CHD7: variants seen among roughly 807,000 people sequenced by gnomAD.
The protein encoded by CHD7 is ATP-dependent chromatin remodeler CHD7.
A neutral mutation model predicts 307.3 loss-of-function variants in CHD7; 24 were observed. That is an observed-to-expected ratio of 0.08 (90% CI 0.06 to 0.11). The LOEUF (loss-of-function observed/expected upper bound fraction) is 0.11. CHD7 is among the 10% of genes least tolerant of loss of function. The pLI, the probability that CHD7 is intolerant of heterozygous loss-of-function variation, is 1.00. For synonymous variants in CHD7, 1,363 were observed against 1,349.9 expected, an observed-to-expected ratio of 1.01 and a Z score of -0.21; for missense variants, 3,106 against 3,727.1, an observed-to-expected ratio of 0.83 and a Z score of 4.34.
At chr8:60,769,833 G>A (rs537855383) in intron 2 of CHD7, among the ~76,000 whole-genome samples, 19 of 152,272 alleles carry the variant, frequency 1.2e-4, no homozygotes, top group Non-Finnish European at 2.2e-4. Context: ...TTTAAGTGTG[G>A]TAATTGGAGA....
chr8:60,836,353 AC>A (rs1273656227), intron 16 of CHD7, 70 bp downstream of exon 16: 10 of 1,309,496 alleles, frequency 7.6e-6, no homozygotes, highest in Admixed American at 2.5e-5. Context: ...CAAGCAGTCC[AC>A]CTAAAAGTGG....
intron 2 of CHD7, among the ~76,000 whole-genome samples, chr8:60,761,170 T>G (rs1459687155): frequency 6.6e-6 from 1 of 151,654 alleles, no homozygotes; most frequent in Non-Finnish European, 1.5e-5. Flanking sequence ...CCATAAAAAA[T>G]GATGAGTTCA....
chr8:60,720,576 G>A (rs1807848820), intron 1 of CHD7, among the ~76,000 whole-genome samples: 1 of 152,134 alleles, frequency 6.6e-6, no homozygotes, highest in African/African-American at 2.4e-5. Flanking sequence ...GTGCTGTTGA[G>A]CCTCCAGCTT....
At position 60,724,574 on chromosome 8, in the gene CHD7, T is replaced by C. The variant is rs931935753; in HGVS notation, c.-174-16685T>C. 3.9e-5 allele frequency among the ~76,000 whole-genome samples: 6 copies of C among 152,234 alleles called. No homozygotes were observed. In the East Asian group the frequency reaches 9.6e-4, roughly 24 times the overall value. On this transcript the variant is annotated intron_variant, in intron 1 of 37. Coordinates refer to ENST00000423902, the MANE Select transcript of CHD7 (RefSeq NM_017780.4). Reference sequence around the variant, plus strand: ...GAAGCTGAAGTTTAGAGAACTGCTTTAATTTGCCTGATGTAAAGAGAGTGT... The same window carrying C: ...GAAGCTGAAGTTTAGAGAACTGCTTCAATTTGCCTGATGTAAAGAGAGTGT...
At chr8:60,854,336 A>C (rs755288008) in intron 31 of CHD7, 27 bp from the exon 32 acceptor site, 3 of 1,606,746 alleles carry the variant, frequency 1.9e-6, no homozygotes, top group Non-Finnish European at 1.7e-6. Flanking sequence ...TGTGGTTGTG[A>C]GTAATGCACA....
chr8:60,779,780 G>A (rs1335601152), intron 2 of CHD7, among the ~76,000 whole-genome samples: 2 of 152,162 alleles, frequency 1.3e-5, no homozygotes, highest in Non-Finnish European at 2.9e-5. Context: ...TGAGGACTCT[G>A]GAGCTATTGG....
intron 32 of CHD7, chr8:60,855,015 G>T (rs1459048327): frequency 6.6e-6 from 1 of 152,144 alleles, no homozygotes; most frequent in Non-Finnish European, 1.5e-5. Context: ...AAGCAAAATG[G>T]AAATTACTTT....
intron 25 of CHD7, 63 bp from the exon 26 acceptor site, chr8:60,850,430 T>G: frequency 6.4e-7 from 1 of 1,553,818 alleles, no homozygotes; most frequent in South Asian, 1.2e-5. Context: ...GCTGTGATTT[T>G]GCCAGTGATG....
chr8:60,837,558 C>T, intron 17 of CHD7, 110 bp from the exon 18 acceptor site: 1 of 957,304 alleles, frequency 1.0e-6, no homozygotes, highest in Non-Finnish European at 1.5e-6. Flanking sequence ...CCCTAAGGCG[C>T]CACCTCCAAA....
chr8:60,810,378 AGAGTGT>A (rs1344048142), intron 7 of CHD7, among the ~76,000 whole-genome samples: 8 of 133,488 alleles, frequency 6.0e-5, no homozygotes, highest in African/African-American at 2.3e-4. Flanking sequence ...GGAGAGAGAG[AGAGTGT>A]GTGTGTGTGT....
chr8:60,705,209 G>A (rs747606700), intron 1 of CHD7, among the ~76,000 whole-genome samples: 1 of 150,650 alleles, frequency 6.6e-6, no homozygotes, highest in Non-Finnish European at 1.5e-5. Context: ...TAGTTGTCCT[G>A]GAAACAAGGA....
chr8:60,783,412 T>C (rs80196701), intron 3 of CHD7, among the ~76,000 whole-genome samples: 33 of 152,298 alleles, frequency 2.2e-4, no homozygotes, highest in African/African-American at 7.5e-4. Context: ...GACCCTGTGT[T>C]TATCCACTAG....
chr8:60,708,830 C>T (rs780343111), intron 1 of CHD7, among the ~76,000 whole-genome samples: 7 of 152,196 alleles, frequency 4.6e-5, no homozygotes, highest in Non-Finnish European at 8.8e-5. Context: ...ACTTCCTTAC[C>T]TTATATTGTC....
At chr8:60,820,529 A>G (rs750396579) in intron 9 of CHD7, among the ~76,000 whole-genome samples, 30 of 152,344 alleles carry the variant, frequency 2.0e-4, no homozygotes, top group Non-Finnish European at 2.9e-4. Flanking sequence ...GCTAATAGAC[A>G]TTATTTCTCT....
intron 13 of CHD7, among the ~76,000 whole-genome samples, chr8:60,826,939 A>G (rs1489222790): frequency 2.0e-5 from 3 of 152,232 alleles, no homozygotes; most frequent in Non-Finnish European, 4.4e-5. Flanking sequence ...GCATAGGTGG[A>G]GGTGATAAGC....
intron 32 of CHD7, among the ~76,000 whole-genome samples, chr8:60,854,745 G>C: frequency 6.6e-6 from 1 of 152,206 alleles, no homozygotes; most frequent in South Asian, 2.1e-4. Flanking sequence ...GTGAAAGAAA[G>C]ATAATAAGAA....
chr8:60,819,587 T>A (rs1803928876), intron 8 of CHD7, among the ~76,000 whole-genome samples: 1 of 152,214 alleles, frequency 6.6e-6, no homozygotes, highest in Non-Finnish European at 1.5e-5. Context: ...AGATATGCTA[T>A]AAGGCATCGG....
At chr8:60,858,591 T>C (rs1805823223) in intron 34 of CHD7, among the ~76,000 whole-genome samples, 1 of 152,212 alleles carries the variant, frequency 6.6e-6, no homozygotes, top group African/African-American at 2.4e-5. Flanking sequence ...TCAATATTTG[T>C]AGGTTTTTTT....
chr8:60,725,208 T>G (rs1020710008), intron 1 of CHD7, among the ~76,000 whole-genome samples: 2 of 152,218 alleles, frequency 1.3e-5, no homozygotes, highest in Non-Finnish European at 2.9e-5. Flanking sequence ...TGTGTGGAAA[T>G]GCACTGATGG....
Sources: gnomAD v4.1 joint callset for allele counts (sites outside exome capture counted in the v4.1 genomes callset) on GRCh38, gnomAD v4.1.1 for gene constraint, MANE v1.5 for transcripts, NCBI Gene and HGNC (gene_info 2026-07-23, HGNC 2026-07-21) for gene names.